KLRD1: variants seen among roughly 807,000 people sequenced by gnomAD.
KLRD1 encodes the protein natural killer cells antigen CD94.
In KLRD1, 21 loss-of-function variants were observed where a neutral mutation model predicts 22.6. The ratio of observed to expected loss-of-function variants is 0.93; its 90% CI spans 0.66 to 1.34. The LOEUF is 1.34. Among genes scored for constraint, KLRD1 ranks in the 40% most tolerant of loss-of-function variants. KLRD1 has a pLI of 0.00. For synonymous variants in KLRD1, 59 were observed against 71.1 expected (o/e 0.83, Z 0.85); for missense variants, 183 against 208.6 (o/e 0.88, Z 0.76).
chr12:10,280,066 C>A (rs1486379892), intron 1 of KLRD1, among the ~76,000 whole-genome samples: 2 of 152,174 alleles, frequency 1.3e-5, no homozygotes, highest in African/African-American at 4.8e-5. Flanking sequence ...TCCCATGACA[C>A]AAGTTAGAAT....
At chr12:10,265,724 T>C (rs2137636698) in intron 1 of KLRD1, among the ~76,000 whole-genome samples, 3 of 152,344 alleles carry the variant, frequency 2.0e-5, no homozygotes, top group African/African-American at 7.2e-5. Context: ...GCCACTGCAC[T>C]GTAGCCTGGG....
At chr12:10,273,467 C>T (rs1423464530) in intron 1 of KLRD1, among the ~76,000 whole-genome samples, 1 of 152,062 alleles carries the variant, frequency 6.6e-6, no homozygotes, top group African/African-American at 2.4e-5. Context: ...TTCTGATGAG[C>T]ATAATTTGTT....
intron 1 of KLRD1, among the ~76,000 whole-genome samples, chr12:10,247,166 CAG>C (rs1491563387): frequency 6.6e-6 from 1 of 151,940 alleles, no homozygotes; most frequent in Non-Finnish European, 1.5e-5. Flanking sequence ...CTCCTGACCT[CAG>C]GGGGGAATTT....
At chr12:10,275,457 G>T (rs993613111) in intron 1 of KLRD1, among the ~76,000 whole-genome samples, 1 of 152,114 alleles carries the variant, frequency 6.6e-6, no homozygotes, top group Non-Finnish European at 1.5e-5. Context: ...CTTTTTAACC[G>T]GTGGTGGTGT....
chr12:10,269,624 T>G (rs925523591), intron 1 of KLRD1, among the ~76,000 whole-genome samples: 19 of 152,172 alleles, frequency 1.2e-4, no homozygotes, highest in African/African-American at 4.6e-4. Context: ...TTCAAAAAAG[T>G]TTATGTTTAT....
Position 10,314,716 on chromosome 12 carries a change from T to C in KLRD1, c.463T>C (p.Tyr155His). 6.3e-7 allele frequency: 1 copy of C among 1,597,444 alleles called. No homozygotes were observed. The change falls in exon 6 of 6, where the codon TAT becomes CAT. Residue 155 changes from tyrosine to histidine, a missense_variant. Physicochemically the swap from Tyr to His is moderately conservative, Grantham distance 83. Coordinates refer to ENST00000336164, the MANE Select transcript of KLRD1 (RefSeq NM_002262.5). ...ETFNTKNCIA[Y>H]NPNGNALDES... ...TTTTAATACAAAGAACTGCATAGCG[T>C]ATAATCCAAATGGAAATGCTTTAGA...
chr12:10,284,979 C>CT (rs1161859709), intron 1 of KLRD1, among the ~76,000 whole-genome samples: 1 of 143,308 alleles, frequency 7.0e-6, no homozygotes, highest in Non-Finnish European at 1.6e-5. Context: ...GAAACTCCAT[C>CT]TCAAAAAAAA....
intron 1 of KLRD1, among the ~76,000 whole-genome samples, chr12:10,265,229 A>G (rs1949488559): frequency 6.6e-6 from 1 of 152,168 alleles, no homozygotes; most frequent in Non-Finnish European, 1.5e-5. Context: ...TTATCATATT[A>G]TATATAGACA....
At chr12:10,289,063 A>G (rs190515938) in intron 1 of KLRD1, among the ~76,000 whole-genome samples, 6 of 152,290 alleles carry the variant, frequency 3.9e-5, no homozygotes, top group African/African-American at 1.4e-4. Flanking sequence ...GAGCTTTGCA[A>G]TGTAGACAGT....
intron 1 of KLRD1, among the ~76,000 whole-genome samples, chr12:10,253,843 A>G (rs1223440408): frequency 2.6e-5 from 4 of 152,138 alleles, no homozygotes; most frequent in East Asian, 3.8e-4. Context: ...GTTGAATTCA[A>G]GTCTTTGCTA....
chr12:10,320,586 T>G lies in KLRD1; in HGVS notation c.*5793T>G, dbSNP rs1045605866. 1.3e-5 allele frequency: 2 copies of G among 152,186 alleles called. No individual in the cohort carries two copies. The highest frequency in any genetic ancestry group is 2.9e-5 in the Non-Finnish European group (2 of 68,018). 9.4% of individuals were successfully genotyped at this position (152,186 alleles called of 1,614,324 possible). A position where few individuals can be genotyped will look rare whatever the true frequency, so the allele number is the denominator to read the frequency against. ...ATGCTATAGAACACACATAAGCTAA[T>G]GGAAGGGCTGTTGAGCAAAAGAAGA... On this transcript the variant is annotated 3_prime_UTR_variant, in exon 6 of 6. Transcript: ENST00000336164.
In KLRD1 at chr12:10,284,207, A is replaced by G. The variant is rs1352499285; in HGVS notation, c.-100-23771A>G. On this transcript the variant is annotated intron_variant, in intron 1 of 5. Coordinates refer to the KLRD1 transcript ENST00000544747. ...CTCTCAAAAAACAACAGTAACAACA[A>G]CAACAACAACAACAAAAGACTTGTT... 2.6e-5 allele frequency among the ~76,000 whole-genome samples: 4 copies of G among 151,964 alleles called. No homozygotes were observed. In the South Asian group the frequency reaches 8.3e-4, roughly 32 times the overall value.
intron 1 of KLRD1, among the ~76,000 whole-genome samples, chr12:10,292,641 A>G (rs1178435634): frequency 6.6e-6 from 1 of 152,188 alleles, no homozygotes; most frequent in East Asian, 1.9e-4. Context: ...TTGTTGCTCT[A>G]TATAGAGAGC....
chr12:10,239,449 C>CCTTTTT (rs751625625), intron 1 of KLRD1, among the ~76,000 whole-genome samples: 1 of 56,632 alleles, frequency 1.8e-5, no homozygotes, highest in Non-Finnish European at 3.8e-5. Flanking sequence ...TTCCTTCCTT[C>CCTTTTT]CTTCCTTCCT....
At chr12:10,279,792 C>T (rs1949623982) in intron 1 of KLRD1, among the ~76,000 whole-genome samples, 2 of 152,022 alleles carry the variant, frequency 1.3e-5, no homozygotes, top group African/African-American at 4.8e-5. Context: ...CTCTACATTC[C>T]TCCCTCTTTC....
At chr12:10,242,075 T>G (rs1379259101) in intron 1 of KLRD1, among the ~76,000 whole-genome samples, 2 of 148,416 alleles carry the variant, frequency 1.3e-5, no homozygotes, top group African/African-American at 4.9e-5. Flanking sequence ...CTTGCTGTTT[T>G]TTTTTTTTTT....
chr12:10,290,144 G>A (rs914277357), intron 1 of KLRD1, among the ~76,000 whole-genome samples: 1 of 149,882 alleles, frequency 6.7e-6, no homozygotes, highest in Non-Finnish European at 1.5e-5. Flanking sequence ...CAACAACAAG[G>A]CAGTTTCCAA....
intron 1 of KLRD1, among the ~76,000 whole-genome samples, chr12:10,246,466 C>T (rs1221776271): frequency 6.6e-6 from 1 of 152,112 alleles, no homozygotes; most frequent in Non-Finnish European, 1.5e-5. Flanking sequence ...GAATTATCCT[C>T]TTGCTTCAAC....
chr12:10,308,122 G>T (rs1032016209), intron 1 of KLRD1, 38 bp downstream of exon 1: 4 of 1,592,290 alleles, frequency 2.5e-6, no homozygotes, highest in Admixed American at 3.3e-5. Context: ...AAAATAACCA[G>T]AAAAGCTATT....
Sources: allele counts gnomAD v4.1 joint callset (sites outside exome capture counted in the v4.1 genomes callset), GRCh38; gene constraint gnomAD v4.1.1; transcripts MANE v1.5; gene names NCBI Gene and HGNC (gene_info 2026-07-23, HGNC 2026-07-21).